Variants in GRAP2 observed in about 807,000 individuals in gnomAD.
GRAP2 encodes GRB2 related adaptor protein 2, also known as GRB2-related adapter protein 2.
Under a neutral mutation model 43.5 loss-of-function variants are expected in GRAP2, and 31 were observed. The ratio of observed to expected loss-of-function variants is 0.71; its 90% CI spans 0.54 to 0.96. GRAP2 has a LOEUF of 0.96. GRAP2 is among the 40% of genes least tolerant of loss of function. The pLI is 0.00. For missense variants in GRAP2, 371 were observed against 424.4 expected, an observed-to-expected ratio of 0.87 and a Z score of 1.11; for synonymous variants, 156 against 164.8, an observed-to-expected ratio of 0.95 and a Z score of 0.41.
chr22:39,901,393 A>G, intron 1 of GRAP2, 63 bp downstream of exon 1: 4 of 566,376 alleles, frequency 7.1e-6, no homozygotes, highest in Non-Finnish European at 1.2e-5. Flanking sequence ...TATAATTTGC[A>G]GAATGTTCTG....
At chr22:39,918,003 T>C (rs907186702) in intron 1 of GRAP2, among the ~76,000 whole-genome samples, 7 of 152,286 alleles carry the variant, frequency 4.6e-5, no homozygotes, top group Admixed American at 6.5e-5. Flanking sequence ...TCTAGCTTTT[T>C]CCCCCCTCAA....
At position 39,901,111 on chromosome 22, in the gene GRAP2, TGGA is replaced by T. The variant is rs2066489762; in HGVS notation, c.-228_-226del. On this transcript the variant is annotated 5_prime_UTR_variant, in exon 1 of 8. Transcript: ENST00000344138. ...ACTGCAGGGCTGACTAGGGTTAGTT[TGGA>T]GGAGGGAGTAAGAGGTGGGGAGGAG... 2.5e-6 allele frequency: 1 copy of T among 401,508 alleles called. No individual in the cohort carries two copies. Among genetic ancestry groups the T allele is most frequent in the African/African-American group, 2.1e-5 (1 of 48,554 alleles). 24.9% of individuals were successfully genotyped at this position (401,508 alleles called of 1,614,324 possible). A position where few individuals can be genotyped will look rare whatever the true frequency, so the allele number is the denominator to read the frequency against.
Position 39,901,175 on chromosome 22 carries a change from C to T in GRAP2, c.-170C>T, listed in dbSNP as rs74983561. 2,493 of 606,980 alleles carry T rather than the reference C, an allele frequency of 4.1e-3. 51 individuals carry two copies. In the African/African-American group the frequency reaches 0.043, roughly 10 times the overall value. The allele number at this position is 606,980 out of a possible 1,614,324, so 37.6% of individuals were successfully genotyped here. On this transcript the variant is annotated 5_prime_UTR_variant, in exon 1 of 8. Coordinates refer to ENST00000344138, the MANE Select transcript of GRAP2 (RefSeq NM_004810.4). ...TAATGGATCTGTAAACTTGCACCCT[C>T]TTTCAGAGTGGTACATGGAAGACAG...
chr22:39,960,079 A>C lies in GRAP2; in HGVS notation c.195A>C (p.Arg65=). ...GATGGTTTCACGAAGGCCTCTCTCG[A>C]CACCAGGCAGAGAACTTACTCATGG... ...FPKWFHEGLS[R]HQAENLLMGK... The change falls in exon 4 of 8, where the codon CGA becomes CGC. Residue 65 remains arginine, a synonymous_variant. Coordinates refer to ENST00000344138, the MANE Select transcript of GRAP2 (RefSeq NM_004810.4). The C allele has an allele frequency of 3.1e-6, 5 of 1,613,084 alleles. No individual in the cohort carries two copies. Among genetic ancestry groups the C allele is most frequent in the Non-Finnish European group, 8.5e-7 (1 of 1,179,126 alleles).
chr22:39,969,733 G>T (rs2067218800), intron 7 of GRAP2, among the ~76,000 whole-genome samples, 200 bp downstream of exon 7: 2 of 152,160 alleles, frequency 1.3e-5, no homozygotes, highest in Non-Finnish European at 1.5e-5. Context: ...GGCCAACATG[G>T]TGAAACCTCA....
intron 1 of GRAP2, among the ~76,000 whole-genome samples, chr22:39,931,639 A>G (rs1388208685): frequency 1.3e-5 from 2 of 152,346 alleles, no homozygotes; most frequent in South Asian, 2.1e-4. Flanking sequence ...GATGCCAAGC[A>G]TGGAAAAATT....
At chr22:39,930,002 T>A (rs1189817904) in intron 1 of GRAP2, among the ~76,000 whole-genome samples, 3 of 152,262 alleles carry the variant, frequency 2.0e-5, no homozygotes, top group East Asian at 1.9e-4. Context: ...AAGTGTAAAA[T>A]ACACACCAGA....
Position 39,970,535 on chromosome 22 carries a change from C to T in GRAP2, c.814-370C>T, listed in dbSNP as rs147855293. On this transcript the variant is annotated intron_variant, in intron 7 of 7. Coordinates refer to ENST00000344138, the MANE Select transcript of GRAP2 (RefSeq NM_004810.4). ...AGTCTATTGGGGCTTTGGACAATAA[C>T]ATCTGTTGGTAAAAGTCCTGGGTCT... is the stretch of plus-strand genomic sequence containing the variant. Among the ~76,000 whole-genome samples the T allele has an allele frequency of 3.9e-3, 592 of 152,272 alleles. 1 individual carries two copies. The highest frequency in any genetic ancestry group is 0.013 in the African/African-American group (552 of 41,546).
Position 39,970,969 on chromosome 22 carries a change from A to G in GRAP2, c.878A>G (p.His293Arg), listed in dbSNP as rs891660620. 3.1e-6 allele frequency: 5 copies of G among 1,613,364 alleles called. No individual in the cohort carries two copies. The highest frequency in any genetic ancestry group is 2.7e-5 in the African/African-American group (2 of 74,846). ...EALEDDELGF[H>R]SGEVVEVLDS... The stretch of plus-strand genomic sequence containing the variant: ...CTGGAGGATGACGAGCTGGGGTTCC[A>G]CAGCGGGGAGGTGGTGGAGGTCCTG... The change falls in exon 8 of 8, where the codon CAC (histidine) becomes CGC (arginine). Residue 293 changes from histidine to arginine, a missense_variant. Physicochemically the swap from His to Arg is conservative, Grantham distance 29. Transcript: ENST00000344138.
intron 1 of GRAP2, among the ~76,000 whole-genome samples, chr22:39,925,260 C>A (rs2066687447): frequency 6.6e-6 from 1 of 152,182 alleles, no homozygotes; most frequent in South Asian, 2.1e-4. Context: ...GATCATGAGA[C>A]CCTGACCCAG....
chr22:39,938,290 AG>A (rs1305859891), intron 1 of GRAP2, among the ~76,000 whole-genome samples: 1 of 152,266 alleles, frequency 6.6e-6, no homozygotes, highest in Non-Finnish European at 1.5e-5. Context: ...AGTGACAGAC[AG>A]GGACCTGCAG....
intron 1 of GRAP2, among the ~76,000 whole-genome samples, chr22:39,904,315 G>A (rs1453993056): frequency 2.0e-5 from 3 of 152,220 alleles, no homozygotes; most frequent in Non-Finnish European, 4.4e-5. Flanking sequence ...TTGAACCCGG[G>A]AGGCAGATGT....
intron 1 of GRAP2, among the ~76,000 whole-genome samples, chr22:39,934,031 G>A (rs189547995): frequency 6.6e-6 from 1 of 152,282 alleles, no homozygotes; most frequent in Non-Finnish European, 1.5e-5. Context: ...AGCAATTGCC[G>A]AAGAGGGACA....
At chr22:39,926,813 C>T (rs755938860) in intron 1 of GRAP2, 403 of 983,624 alleles carry the variant, frequency 4.1e-4, no homozygotes, top group Non-Finnish European at 4.6e-4. Flanking sequence ...GAACCCTGAT[C>T]ACTGCCAATT....
chr22:39,918,471 G>A (rs1385305826), intron 1 of GRAP2, among the ~76,000 whole-genome samples: 3 of 152,134 alleles, frequency 2.0e-5, no homozygotes, highest in South Asian at 2.1e-4. Context: ...GCCGTGTTTC[G>A]ACACTGAGTT....
intron 1 of GRAP2, among the ~76,000 whole-genome samples, chr22:39,906,607 CA>C (rs2066525261): frequency 2.0e-5 from 3 of 152,100 alleles, no homozygotes. Context: ...CAGTCATTGC[CA>C]AATTGGTTCT....
At chr22:39,953,243 T>G (rs2145648772) in intron 2 of GRAP2, among the ~76,000 whole-genome samples, 1 of 152,302 alleles carries the variant, frequency 6.6e-6, no homozygotes, top group South Asian at 2.1e-4. Flanking sequence ...TGAGCTTTTC[T>G]TCTTAGTTGA....
chr22:39,906,165 A>G (rs1267470270), intron 1 of GRAP2, among the ~76,000 whole-genome samples: 1 of 152,168 alleles, frequency 6.6e-6, no homozygotes, highest in Non-Finnish European at 1.5e-5. Context: ...GGAAGATGAT[A>G]TTTTGATATA....
At position 39,947,077 on chromosome 22, in the gene GRAP2, A is replaced by G. The variant is rs375130019; in HGVS notation, c.-14-16A>G. On this transcript the variant is annotated splice_polypyrimidine_tract_variant and intron_variant, in intron 1 of 7. Transcript: ENST00000344138. Reference sequence around the variant, plus strand: ...CCTGGCAGAGAGGCACAATGACCACATTATTTCTCTTCCAGCTTCACGTTA... The same window carrying G: ...CCTGGCAGAGAGGCACAATGACCACGTTATTTCTCTTCCAGCTTCACGTTA... 4.6e-5 allele frequency: 68 copies of G among 1,471,308 alleles called. No individual in the cohort carries two copies. Among genetic ancestry groups the G allele is most frequent in the Non-Finnish European group, 6.3e-5 (66 of 1,049,782 alleles). 91.1% of individuals were successfully genotyped at this position (1,471,308 alleles called of 1,614,324 possible). A position where few individuals can be genotyped will look rare whatever the true frequency, so the allele number is the denominator to read the frequency against.
Sources: allele counts gnomAD v4.1 joint callset (sites outside exome capture counted in the v4.1 genomes callset), GRCh38; gene constraint gnomAD v4.1.1; transcripts MANE v1.5; gene names NCBI Gene and HGNC (gene_info 2026-07-23, HGNC 2026-07-21).